DNAJC24: variants seen among roughly 807,000 people sequenced by gnomAD.
The protein encoded by DNAJC24 is dnaJ homolog subfamily C member 24.
In DNAJC24, 17 loss-of-function variants were observed where a neutral mutation model predicts 18.0. The ratio of observed to expected loss-of-function variants is 0.94; its 90% CI spans 0.65 to 1.42. The LOEUF (loss-of-function observed/expected upper bound fraction) is 1.42. Among genes scored for constraint, DNAJC24 ranks in the 40% most tolerant of loss-of-function variants. DNAJC24 has a pLI of 0.00. For synonymous variants in DNAJC24, 55 were observed against 57.7 expected, an observed-to-expected ratio of 0.95 and a Z score of 0.21; for missense variants, 158 against 175.6, an observed-to-expected ratio of 0.90 and a Z score of 0.57.
Position 31,429,089 on chromosome 11 carries a change from T to C in DNAJC24, c.320-1182T>C, listed in dbSNP as rs183824312. Among the ~76,000 whole-genome samples the C allele has an allele frequency of 3.5e-4, 53 of 152,264 alleles. 1 individual carries two copies. Among genetic ancestry groups the C allele is most frequent in the African/African-American group, 1.1e-3 (47 of 41,564 alleles). On this transcript the variant is annotated intron_variant, in intron 4 of 4. Transcript: ENST00000465995. ...CATTTTCAGAACATGCTGTAGTACA[T>C]AGATGTTGGCTTAGACAGGGAAGAT...
intron 2 of DNAJC24, among the ~76,000 whole-genome samples, chr11:31,405,701 C>T (rs75358855): frequency 0.02 from 3,113 of 152,036 alleles, 94 homozygotes; most frequent in African/African-American, 0.07. Context: ...GCAGTCCTCC[C>T]GCCTCAGCAT....
At chr11:31,377,153 G>A (rs1461893470) in intron 2 of DNAJC24, among the ~76,000 whole-genome samples, 2 of 152,100 alleles carry the variant, frequency 1.3e-5, no homozygotes, top group African/African-American at 2.4e-5. Context: ...CGTATTACAT[G>A]TAATTTTCTA....
intron 3 of DNAJC24, among the ~76,000 whole-genome samples, chr11:31,424,233 C>G (rs567534035): frequency 6.6e-6 from 1 of 152,204 alleles, no homozygotes; most frequent in African/African-American, 2.4e-5. Flanking sequence ...TTTCTCTTGT[C>G]TGATTTGCTT....
chr11:31,413,432 G>A (rs1207225659), intron 2 of DNAJC24, among the ~76,000 whole-genome samples: 3 of 147,574 alleles, frequency 2.0e-5, no homozygotes, highest in Non-Finnish European at 4.4e-5. Context: ...CCGGGTTCAC[G>A]CCATTCTCCT....
intron 2 of DNAJC24, among the ~76,000 whole-genome samples, chr11:31,390,418 A>G (rs1952480915): frequency 6.6e-6 from 1 of 150,774 alleles, no homozygotes; most frequent in Non-Finnish European, 1.5e-5. Context: ...AAAAAAAAAA[A>G]AATTAAAGGC....
chr11:31,407,803 A>C (rs1249891552), intron 2 of DNAJC24, among the ~76,000 whole-genome samples: 5 of 150,392 alleles, frequency 3.3e-5, no homozygotes, highest in African/African-American at 9.8e-5. Flanking sequence ...ATAATTTTAC[A>C]TGCTTCATTT....
intron 2 of DNAJC24, among the ~76,000 whole-genome samples, chr11:31,387,109 G>A (rs1020423520): frequency 5.9e-5 from 9 of 152,172 alleles, no homozygotes; most frequent in South Asian, 2.1e-4. Context: ...AGACTCCTAC[G>A]ATTCCAACTC....
At chr11:31,409,801 A>G (rs1952689780) in intron 2 of DNAJC24, among the ~76,000 whole-genome samples, 2 of 152,148 alleles carry the variant, frequency 1.3e-5, no homozygotes, top group Admixed American at 1.3e-4. Context: ...GCAATTGCCA[A>G]ATTGTTTCCT....
chr11:31,425,909 A>G (rs749997617), intron 3 of DNAJC24, among the ~76,000 whole-genome samples: 1 of 152,210 alleles, frequency 6.6e-6, no homozygotes, highest in Non-Finnish European at 1.5e-5. Context: ...CTAAGTCCAC[A>G]CTGCTTTCTT....
At chr11:31,417,527 C>G (rs1952761736) in intron 3 of DNAJC24, among the ~76,000 whole-genome samples, 1 of 152,032 alleles carries the variant, frequency 6.6e-6, no homozygotes, top group South Asian at 2.1e-4. Flanking sequence ...TTTGTTATAA[C>G]CAGGTCAAAG....
rs1036039010 is a variant in DNAJC24 at position 31,407,058 on chromosome 11, C to G, written c.112-7753C>G. 1.3e-5 allele frequency among the ~76,000 whole-genome samples: 2 copies of G among 152,168 alleles called. 1 individual carries two copies. On this transcript the variant is annotated intron_variant, in intron 2 of 4. Coordinates refer to ENST00000465995, the MANE Select transcript of DNAJC24 (RefSeq NM_181706.5). ...CTAGAAAGTATTTCAAAATTTGGTTCTAGAATTCAAGAAAATTTGAAGCTA... is the reference window on the plus strand; with the variant it reads ...CTAGAAAGTATTTCAAAATTTGGTTGTAGAATTCAAGAAAATTTGAAGCTA...
chr11:31,415,022 A>G, intron 3 of DNAJC24, 73 bp downstream of exon 3: 1 of 1,478,018 alleles, frequency 6.8e-7, no homozygotes, highest in Non-Finnish European at 9.1e-7. Flanking sequence ...ATTCCTGGGG[A>G]GCATTTTCCA....
intron 2 of DNAJC24, among the ~76,000 whole-genome samples, chr11:31,393,105 C>T (rs1218800294): frequency 2.0e-5 from 3 of 152,160 alleles, no homozygotes; most frequent in Admixed American, 6.5e-5. Flanking sequence ...TCCAAATGGA[C>T]TAAGACAGAG....
rs989629151 is a variant in DNAJC24, at chr11:31,375,190, C to T, written c.111+4331C>T. Among the ~76,000 whole-genome samples, 3 of 134,738 alleles carry T rather than the reference C, an allele frequency of 2.2e-5. No individual in the cohort carries two copies. The Admixed American group carries it at 2.3e-4, about 10-fold the overall frequency. 88.4% of individuals were successfully genotyped at this position (134,738 alleles called of 152,430 possible). ...CAAGACCCTCTCTCTAATTAATTTGCCATTTAGTGGAAGCCCTGAACTATT... is the reference window on the plus strand; with the variant it reads ...CAAGACCCTCTCTCTAATTAATTTGTCATTTAGTGGAAGCCCTGAACTATT... On this transcript the variant is annotated intron_variant, in intron 2 of 4. Coordinates refer to ENST00000465995, the MANE Select transcript of DNAJC24 (RefSeq NM_181706.5).
chr11:31,405,317 G>T (rs1291029723), intron 2 of DNAJC24, among the ~76,000 whole-genome samples: 2 of 151,510 alleles, frequency 1.3e-5, no homozygotes, highest in Middle Eastern at 3.4e-3. Context: ...TGATCTGCCC[G>T]CCTTGGCCTC....
At chr11:31,423,856 G>A (rs1952834611) in intron 3 of DNAJC24, among the ~76,000 whole-genome samples, 1 of 152,074 alleles carries the variant, frequency 6.6e-6, no homozygotes, top group Admixed American at 6.5e-5. Flanking sequence ...CCATTTTTGT[G>A]TATTCTCTTT....
intron 2 of DNAJC24, among the ~76,000 whole-genome samples, chr11:31,392,149 A>G (rs1952503021): frequency 1.3e-5 from 2 of 152,178 alleles, no homozygotes; most frequent in African/African-American, 4.8e-5. Flanking sequence ...AATGGTTCCA[A>G]AAATAGAGCT....
chr11:31,422,603 T>C (rs967858106), intron 3 of DNAJC24, among the ~76,000 whole-genome samples: 4 of 152,308 alleles, frequency 2.6e-5, no homozygotes, highest in African/African-American at 4.8e-5. Flanking sequence ...TTAAAATGTT[T>C]TATTACAAGA....
At chr11:31,411,510 C>G (rs564495894) in intron 2 of DNAJC24, among the ~76,000 whole-genome samples, 1 of 152,334 alleles carries the variant, frequency 6.6e-6, no homozygotes, top group Admixed American at 6.5e-5. Flanking sequence ...TGCACTCCCT[C>G]TGGAGGATCT....
Sources: allele counts gnomAD v4.1 joint callset (sites outside exome capture counted in the v4.1 genomes callset), GRCh38; gene constraint gnomAD v4.1.1; transcripts MANE v1.5; gene names NCBI Gene and HGNC (gene_info 2026-07-23, HGNC 2026-07-21).